HS2ST1: variants seen among roughly 807,000 people sequenced by gnomAD.
HS2ST1 encodes the protein 2-O-sulfotransferase.
In HS2ST1, 18 loss-of-function variants were observed where a neutral mutation model predicts 42.9. That is an observed-to-expected ratio of 0.42 (90% CI 0.29 to 0.62). The LOEUF (loss-of-function observed/expected upper bound fraction) is 0.62. Ranked by LOEUF, HS2ST1 falls within the 20% of genes least tolerant of loss-of-function variation. HS2ST1 has a pLI of 0.21. For missense variants in HS2ST1, 334 were observed against 433.8 expected (o/e 0.77, Z 2.04); for synonymous variants, 146 against 152.9 (o/e 0.95, Z 0.33).
At chr1:86,976,706 A>ATG (rs778398080) in intron 1 of HS2ST1, among the ~76,000 whole-genome samples, 1 of 116,176 alleles carries the variant, frequency 8.6e-6, no homozygotes, top group African/African-American at 2.7e-5. Flanking sequence ...ATAAAATTGT[A>ATG]TATATATATA....
At chr1:86,969,499 T>C (rs1427513265) in intron 1 of HS2ST1, among the ~76,000 whole-genome samples, 2 of 152,170 alleles carry the variant, frequency 1.3e-5, no homozygotes, top group Admixed American at 1.3e-4. Flanking sequence ...GATCTAATGG[T>C]TTTCTAAGAG....
chr1:87,107,883 C>T lies in HS2ST1; in HGVS notation c.*3187C>T, dbSNP rs1652361833. On this transcript the variant is annotated 3_prime_UTR_variant, in exon 7 of 7. Transcript: ENST00000370550. ...TGCATGGGGATTACTTTCCTATCAT[C>T]CATATGCATTTGTGCAACTTCAAAC... 6.6e-6 allele frequency: 1 copy of T among 152,028 alleles called. No individual in the cohort carries two copies. Among genetic ancestry groups the T allele is most frequent in the African/African-American group, 2.4e-5 (1 of 41,420 alleles). 9.4% of individuals were successfully genotyped at this position (152,028 alleles called of 1,614,324 possible). A position where few individuals can be genotyped will look rare whatever the true frequency, so the allele number is the denominator to read the frequency against.
chr1:86,918,152 A>C (rs563749083), intron 1 of HS2ST1, among the ~76,000 whole-genome samples: 2 of 152,162 alleles, frequency 1.3e-5, no homozygotes, highest in South Asian at 4.1e-4. Flanking sequence ...AGAGCAATAG[A>C]TGTATTCAAA....
At chr1:86,967,208 G>GA (rs748738411) in intron 1 of HS2ST1, among the ~76,000 whole-genome samples, 6 of 152,144 alleles carry the variant, frequency 3.9e-5, no homozygotes, top group Non-Finnish European at 8.8e-5. Context: ...TTTAGTCTTT[G>GA]AAGGAGTATT....
Position 86,994,297 on chromosome 1 carries a change from G to A in HS2ST1, c.125-78637G>A, listed in dbSNP as rs148997757. Reference sequence around the variant, plus strand: ...TGTGTTTGTATAGCTGCAAGATAATGTTCCACAGATAATGCAGTTTTATAC... The same window carrying A: ...TGTGTTTGTATAGCTGCAAGATAATATTCCACAGATAATGCAGTTTTATAC... On this transcript the variant is annotated intron_variant, in intron 1 of 6. Transcript: ENST00000370550. Among the ~76,000 whole-genome samples, 856 of 152,224 alleles carry A rather than the reference G, an allele frequency of 5.6e-3. 7 individuals are homozygous for A. The highest frequency in any genetic ancestry group is 0.01 in the Middle Eastern group (3 of 294).
intron 5 of HS2ST1, among the ~76,000 whole-genome samples, chr1:87,101,147 GTGTTTTTTGTTTTTTTT>G (rs1652189048): frequency 2.6e-5 from 2 of 75,892 alleles, no homozygotes; most frequent in African/African-American, 9.9e-5. Context: ...GTGTGTGTGT[GTGTTTTTTGTTTTTTTT>G]TTTTTTTTTT....
chr1:86,925,478 T>C (rs1660396388), intron 1 of HS2ST1, among the ~76,000 whole-genome samples: 1 of 152,146 alleles, frequency 6.6e-6, no homozygotes. Flanking sequence ...CTAAAAGACG[T>C]TTAATAGTTC....
intron 5 of HS2ST1, among the ~76,000 whole-genome samples, chr1:87,101,381 G>T (rs1465870836): frequency 2.6e-5 from 4 of 151,758 alleles, no homozygotes; most frequent in African/African-American, 9.7e-5. Flanking sequence ...GGCCAGGCTG[G>T]TCTCGAACTC....
chr1:87,050,821 A>G (rs1650811816), intron 1 of HS2ST1, among the ~76,000 whole-genome samples: 1 of 152,052 alleles, frequency 6.6e-6, no homozygotes, highest in Admixed American at 6.5e-5. Context: ...TGCCACTATC[A>G]CTTTCTCCTA....
At chr1:87,014,317 A>T (rs1030099951) in intron 1 of HS2ST1, among the ~76,000 whole-genome samples, 5 of 152,208 alleles carry the variant, frequency 3.3e-5, no homozygotes, top group Non-Finnish European at 5.9e-5. Flanking sequence ...GGCAAACAAG[A>T]CAGCTAGTGC....
At chr1:86,962,726 C>T (rs1647883935) in intron 1 of HS2ST1, among the ~76,000 whole-genome samples, 1 of 152,004 alleles carries the variant, frequency 6.6e-6, no homozygotes, top group African/African-American at 2.4e-5. Context: ...TCCTAATGAT[C>T]ATTGAAAAGA....
At chr1:86,944,002 G>T (rs896731295) in intron 1 of HS2ST1, among the ~76,000 whole-genome samples, 1 of 151,252 alleles carries the variant, frequency 6.6e-6, no homozygotes, top group African/African-American at 2.4e-5. Flanking sequence ...ACTCTCCCTG[G>T]GTAACGAGTG....
At chr1:87,085,236 C>A (rs1651793561) in intron 3 of HS2ST1, among the ~76,000 whole-genome samples, 1 of 152,002 alleles carries the variant, frequency 6.6e-6, no homozygotes, top group South Asian at 2.1e-4. Context: ...CATGTTTATT[C>A]AGTTTTTAAA....
chr1:87,037,051 A>G (rs1020533299), intron 1 of HS2ST1, among the ~76,000 whole-genome samples: 4 of 152,128 alleles, frequency 2.6e-5, no homozygotes, highest in Admixed American at 2.6e-4. Context: ...CGAAGTGAAT[A>G]TCATAAATCA....
At chr1:87,052,239 C>G (rs767734952) in intron 1 of HS2ST1, among the ~76,000 whole-genome samples, 2 of 151,760 alleles carry the variant, frequency 1.3e-5, no homozygotes, top group Non-Finnish European at 2.9e-5. Context: ...GGTGACAGAG[C>G]GAGACCCTGT....
At chr1:87,028,078 C>T (rs964161115) in intron 1 of HS2ST1, among the ~76,000 whole-genome samples, 1 of 152,216 alleles carries the variant, frequency 6.6e-6, no homozygotes, top group African/African-American at 2.4e-5. Context: ...CCTTTCCTGT[C>T]TCACAGGTCT....
At chr1:87,033,006 C>T (rs1253462861) in intron 1 of HS2ST1, among the ~76,000 whole-genome samples, 6 of 152,052 alleles carry the variant, frequency 3.9e-5, no homozygotes, top group Non-Finnish European at 8.8e-5. Context: ...TTGTAAACCC[C>T]ATCTTCCAAT....
At chr1:86,987,550 G>T (rs1056038678) in intron 1 of HS2ST1, among the ~76,000 whole-genome samples, 2 of 152,172 alleles carry the variant, frequency 1.3e-5, no homozygotes, top group Admixed American at 1.3e-4. Flanking sequence ...TGTTCTGAAA[G>T]CCACAGAGTC....
At chr1:87,092,092 A>G (rs186741631) in intron 3 of HS2ST1, among the ~76,000 whole-genome samples, 9 of 152,198 alleles carry the variant, frequency 5.9e-5, no homozygotes, top group African/African-American at 2.2e-4. Context: ...GCAGCAGATG[A>G]TTTATTCAGG....
Sources: gnomAD v4.1 joint callset for allele counts (sites outside exome capture counted in the v4.1 genomes callset) on GRCh38, gnomAD v4.1.1 for gene constraint, MANE v1.5 for transcripts, NCBI Gene and HGNC (gene_info 2026-07-23, HGNC 2026-07-21) for gene names.